Variants in NUTM2B observed in about 807,000 individuals in gnomAD.
NUTM2B encodes the protein family with sequence similarity 22, member B.
Under a neutral mutation model 42.4 loss-of-function variants are expected in NUTM2B, and 2 were observed. That is an observed-to-expected ratio of 0.05 (90% CI 0.02 to 0.15). NUTM2B has a LOEUF of 0.15. NUTM2B is among the 10% of genes least tolerant of loss of function. NUTM2B has a pLI of 1.00. For missense variants in NUTM2B, 58 were observed against 952.6 expected, an observed-to-expected ratio of 0.06 and a Z score of 12.36; for synonymous variants, 18 against 402.4, an observed-to-expected ratio of 0.04 and a Z score of 11.43.
chr10:79,697,957 CA>C, the NUTM2B span, among the ~76,000 whole-genome samples: 1 of 150,206 alleles, frequency 6.7e-6, no homozygotes, highest in East Asian at 2.0e-4. Context: ...CACAGAACCA[CA>C]AACTATTTTT....
the NUTM2B span, among the ~76,000 whole-genome samples, chr10:79,694,227 A>G: frequency 1.3e-5 from 2 of 152,032 alleles, no homozygotes; most frequent in Non-Finnish European, 2.9e-5. Flanking sequence ...GCAAAACCCC[A>G]TCTTTACTAA....
At chr10:79,695,478 C>G in the NUTM2B span, among the ~76,000 whole-genome samples, 1 of 152,158 alleles carries the variant, frequency 6.6e-6, no homozygotes, top group Admixed American at 6.5e-5. Flanking sequence ...ACACTGGGTA[C>G]CTGCTGGAGG....
chr10:79,692,852 C>T, the NUTM2B span, among the ~76,000 whole-genome samples: 3 of 152,206 alleles, frequency 2.0e-5, no homozygotes, highest in Admixed American at 2.0e-4. Context: ...AACCTGCAGA[C>T]ACCATGGACA....
chr10:79,708,805 ATCT>A (rs1840437727), exon 3 of NUTM2B: 1 of 1,381,792 alleles, frequency 7.2e-7, no homozygotes. Flanking sequence ...TGACCGGATG[ATCT>A]TCTACGAGAT....
intron 2 of NUTM2B, among the ~76,000 whole-genome samples, chr10:79,707,246 C>T (rs1192271477): frequency 1.5e-5 from 2 of 132,330 alleles, no homozygotes; most frequent in Non-Finnish European, 3.2e-5. Context: ...TCGGGCCCTG[C>T]ACTGGGGCCG....
chr10:79,700,097 T>C (rs1840285045), upstream of NUTM2B, among the ~76,000 whole-genome samples: 1 of 152,218 alleles, frequency 6.6e-6, no homozygotes, highest in East Asian at 1.9e-4. Context: ...TTCTTGACTT[T>C]GGCCACACTC....
the NUTM2B span, among the ~76,000 whole-genome samples, chr10:79,694,228 T>A: frequency 9.2e-5 from 14 of 151,938 alleles, no homozygotes; most frequent in South Asian, 2.1e-4. Context: ...CAAAACCCCA[T>A]CTTTACTAAA....
At chr10:79,699,649 G>C (rs1054129957), upstream of NUTM2B, among the ~76,000 whole-genome samples, 2 of 152,148 alleles carry the variant, frequency 1.3e-5, no homozygotes, top group Non-Finnish European at 2.9e-5. Flanking sequence ...CACCATGTTG[G>C]TCAGGCTGGT....
chr10:79,702,500 C>A (rs1372058344), upstream of NUTM2B, among the ~76,000 whole-genome samples: 2 of 151,750 alleles, frequency 1.3e-5, no homozygotes, highest in African/African-American at 2.4e-5. Flanking sequence ...CCTGCCCCTG[C>A]CCCTGCAGTG....
the NUTM2B span, among the ~76,000 whole-genome samples, chr10:79,695,772 C>T: frequency 6.6e-6 from 1 of 151,912 alleles, no homozygotes; most frequent in African/African-American, 2.4e-5. Context: ...GTGCTGATCA[C>T]ACGGACAATA....
chr10:79,697,650 A>G, the NUTM2B span, among the ~76,000 whole-genome samples: 2 of 151,326 alleles, frequency 1.3e-5, no homozygotes, highest in Non-Finnish European at 2.9e-5. Flanking sequence ...TCAAATTTCT[A>G]TTTTTTTCTT....
intron 3 of NUTM2B, among the ~76,000 whole-genome samples, chr10:79,709,031 C>A (rs1353614208): frequency 8.3e-6 from 1 of 120,990 alleles, no homozygotes; most frequent in Non-Finnish European, 1.7e-5. Context: ...TTGGGAAGCA[C>A]CCCCTGCCTG....
the NUTM2B span, among the ~76,000 whole-genome samples, chr10:79,694,500 A>G: frequency 2.0e-5 from 3 of 152,022 alleles, no homozygotes; most frequent in Non-Finnish European, 4.4e-5. Context: ...GAAAGAACCC[A>G]TCGACAGGGT....
At chr10:79,707,773 C>T (rs1478948439) in intron 2 of NUTM2B, among the ~76,000 whole-genome samples, 1 of 107,760 alleles carries the variant, frequency 9.3e-6, no homozygotes, top group African/African-American at 4.9e-5. Flanking sequence ...TCTCGCTGTT[C>T]CCGCACCCTG....
At chr10:79,708,906 T>A in intron 3 of NUTM2B, 79 bp downstream of exon 3, 1 of 1,318,924 alleles carries the variant, frequency 7.6e-7, no homozygotes, top group South Asian at 1.8e-5. Flanking sequence ...CGTGGTGGCT[T>A]CTCAACGTGG....
At chr10:79,701,148 T>C (rs905799242), upstream of NUTM2B, among the ~76,000 whole-genome samples, 10 of 152,020 alleles carry the variant, frequency 6.6e-5, no homozygotes, top group African/African-American at 2.2e-4. Flanking sequence ...AAAAATAGTA[T>C]GCCCTGTTTT....
upstream of NUTM2B, among the ~76,000 whole-genome samples, chr10:79,700,293 G>C (rs1317687108): frequency 9.2e-5 from 14 of 152,108 alleles, no homozygotes; most frequent in African/African-American, 3.1e-4. Context: ...GAACTTCACT[G>C]TTTTACGGGG....
At chr10:79,702,118 A>C (rs1370441995), upstream of NUTM2B, among the ~76,000 whole-genome samples, 4 of 151,228 alleles carry the variant, frequency 2.6e-5, no homozygotes, top group African/African-American at 9.7e-5. Flanking sequence ...AAAGATCTCC[A>C]AAGTGTTTAC....
upstream of NUTM2B, among the ~76,000 whole-genome samples, chr10:79,699,644 T>C (rs1189611069): frequency 2.0e-5 from 3 of 152,222 alleles, no homozygotes; most frequent in South Asian, 2.1e-4. Flanking sequence ...GGTTTCACCA[T>C]GTTGGTCAGG....
Sources: allele counts gnomAD v4.1 joint callset (sites outside exome capture counted in the v4.1 genomes callset), GRCh38; gene constraint gnomAD v4.1.1; transcripts MANE v1.5; gene names NCBI Gene and HGNC (gene_info 2026-07-23, HGNC 2026-07-21).